SRD5A2: variants seen among roughly 807,000 people sequenced by gnomAD.
SRD5A2 encodes the protein steroid 5 alpha-reductase 2.
SRD5A2 carries 30 observed loss-of-function variants against 27.4 expected under a neutral mutation model. The ratio of observed to expected loss-of-function variants is 1.10; its 90% CI spans 0.82 to 1.49. SRD5A2 has a LOEUF of 1.49. SRD5A2 is among the 40% of genes most tolerant of loss of function. SRD5A2 has a pLI of 0.00. For missense variants in SRD5A2, 348 were observed against 323.4 expected (o/e 1.08, Z -0.58); for synonymous variants, 141 against 133.6 (o/e 1.06, Z -0.38).
intron 1 of SRD5A2, among the ~76,000 whole-genome samples, chr2:31,573,495 G>C (rs1366732331): frequency 6.6e-6 from 1 of 152,192 alleles, no homozygotes; most frequent in South Asian, 2.1e-4. Context: ...ACAGCAGAAC[G>C]GGAAGTACCC....
the SRD5A2 span, among the ~76,000 whole-genome samples, chr2:31,620,607 G>C: frequency 6.6e-6 from 1 of 151,832 alleles, no homozygotes; most frequent in East Asian, 1.9e-4. Flanking sequence ...ATATCTCCAA[G>C]GTGCCTACAT....
chr2:31,621,683 G>A, the SRD5A2 span, among the ~76,000 whole-genome samples: 1 of 152,128 alleles, frequency 6.6e-6, no homozygotes, highest in Non-Finnish European at 1.5e-5. Flanking sequence ...CCAGACTAGA[G>A]TGCAGTGCCA....
rs1665755144 is a variant in SRD5A2 at position 31,525,396 on chromosome 2, C to T, written c.*800G>A. 2 of 227,082 alleles carry T rather than the reference C, an allele frequency of 8.8e-6. No individual in the cohort carries two copies. Among genetic ancestry groups the T allele is most frequent in the East Asian group, 1.3e-4 (2 of 15,858 alleles). 14.1% of individuals were successfully genotyped at this position (227,082 alleles called of 1,614,324 possible). On this transcript the variant is annotated 3_prime_UTR_variant, in exon 5 of 5. Coordinates refer to ENST00000622030, the MANE Select transcript of SRD5A2 (RefSeq NM_000348.4). ...GCAATGTCTATTGTAAAACTGTTCT[C>T]TATCCTCTTAGTAGCCATCCAGGGT...
At chr2:31,646,935 T>A in the SRD5A2 span, among the ~76,000 whole-genome samples, 5 of 152,012 alleles carry the variant, frequency 3.3e-5, no homozygotes, top group Admixed American at 3.3e-4. Flanking sequence ...TCACTCAAGG[T>A]CAGGAGTTCG....
intron 1 of SRD5A2, among the ~76,000 whole-genome samples, chr2:31,562,715 A>G (rs1666648814): frequency 6.6e-6 from 1 of 152,152 alleles, no homozygotes; most frequent in Non-Finnish European, 1.5e-5. Context: ...AAAACTACCT[A>G]TTGGGTACTA....
At chr2:31,635,593 C>T in the SRD5A2 span, among the ~76,000 whole-genome samples, 1 of 151,918 alleles carries the variant, frequency 6.6e-6, no homozygotes, top group Non-Finnish European at 1.5e-5. Context: ...ACTTCAGTTG[C>T]CTGTACTTTT....
At chr2:31,606,007 G>C in the SRD5A2 span, among the ~76,000 whole-genome samples, 1 of 151,886 alleles carries the variant, frequency 6.6e-6, no homozygotes, top group Non-Finnish European at 1.5e-5. Context: ...AAGATGGATG[G>C]AACTGGAGGT....
the SRD5A2 span, among the ~76,000 whole-genome samples, chr2:31,611,904 C>T: frequency 6.6e-6 from 1 of 152,060 alleles, no homozygotes; most frequent in Non-Finnish European, 1.5e-5. Context: ...CTGGAAACTA[C>T]TCAACTATCT....
At chr2:31,620,670 C>A in the SRD5A2 span, among the ~76,000 whole-genome samples, 2 of 151,692 alleles carry the variant, frequency 1.3e-5, no homozygotes, top group East Asian at 3.9e-4. Flanking sequence ...GTATAATTGG[C>A]CTTTGTATTA....
At chr2:31,568,689 C>A (rs1466869245) in intron 1 of SRD5A2, among the ~76,000 whole-genome samples, 1 of 152,212 alleles carries the variant, frequency 6.6e-6, no homozygotes, top group Non-Finnish European at 1.5e-5. Flanking sequence ...CCTTTCCACC[C>A]AGGAGCCTGT....
the SRD5A2 span, among the ~76,000 whole-genome samples, chr2:31,588,026 T>C: frequency 6.6e-6 from 1 of 151,906 alleles, no homozygotes; most frequent in Non-Finnish European, 1.5e-5. Flanking sequence ...GCAGAAGAAT[T>C]AGTGAGCTTG....
the SRD5A2 span, among the ~76,000 whole-genome samples, chr2:31,656,284 G>A: frequency 6.6e-6 from 1 of 152,184 alleles, no homozygotes; most frequent in African/African-American, 2.4e-5. Flanking sequence ...TCTTTACTTG[G>A]CTCTCAACAC....
the SRD5A2 span, among the ~76,000 whole-genome samples, chr2:31,644,822 C>G: frequency 6.6e-6 from 1 of 152,008 alleles, no homozygotes; most frequent in Non-Finnish European, 1.5e-5. Flanking sequence ...TGTATTTGTT[C>G]CTAGGAAATA....
At chr2:31,535,148 A>G (rs1665999941) in intron 1 of SRD5A2, among the ~76,000 whole-genome samples, 1 of 151,858 alleles carries the variant, frequency 6.6e-6, no homozygotes. Context: ...CAGCCTCCCA[A>G]GCAGCTGGGA....
chr2:31,540,727 CA>C (rs1416524245), intron 1 of SRD5A2, among the ~76,000 whole-genome samples: 1 of 152,208 alleles, frequency 6.6e-6, no homozygotes, highest in Non-Finnish European at 1.5e-5. Flanking sequence ...TCAGCTCAGT[CA>C]ATTTTAGCTC....
intron 1 of SRD5A2, among the ~76,000 whole-genome samples, chr2:31,568,848 C>T (rs909614950): frequency 7.2e-5 from 11 of 152,230 alleles, no homozygotes; most frequent in Non-Finnish European, 1.3e-4. Context: ...GGGGCCAAGG[C>T]GGCAGGGGGC....
At chr2:31,638,656 C>T in the SRD5A2 span, among the ~76,000 whole-genome samples, 6 of 151,688 alleles carry the variant, frequency 4.0e-5, no homozygotes, top group African/African-American at 1.5e-4. Context: ...CTGTATTGAC[C>T]GCTTTATAAC....
At chr2:31,536,778 T>C (rs1348057726) in intron 1 of SRD5A2, among the ~76,000 whole-genome samples, 1 of 152,212 alleles carries the variant, frequency 6.6e-6, no homozygotes, top group Non-Finnish European at 1.5e-5. Flanking sequence ...CAATTGGTGC[T>C]GTAGAGTTGT....
the SRD5A2 span, among the ~76,000 whole-genome samples, chr2:31,607,823 T>A: frequency 6.6e-6 from 1 of 151,990 alleles, no homozygotes; most frequent in Non-Finnish European, 1.5e-5. Context: ...ACACTGAAAT[T>A]CTCACCCCAC....
Sources: allele counts gnomAD v4.1 joint callset (sites outside exome capture counted in the v4.1 genomes callset), GRCh38; gene constraint gnomAD v4.1.1; transcripts MANE v1.5; gene names NCBI Gene and HGNC (gene_info 2026-07-23, HGNC 2026-07-21).